Variants in SRD5A2 observed in about 807,000 individuals in gnomAD.
SRD5A2 encodes the protein steroid 5 alpha-reductase 2, also known as 3-oxo-5-alpha-steroid 4-dehydrogenase 2.
A neutral mutation model predicts 27.4 loss-of-function variants in SRD5A2; 30 were observed. The ratio of observed to expected loss-of-function variants is 1.10; its 90% CI spans 0.82 to 1.49. The LOEUF (loss-of-function observed/expected upper bound fraction) is 1.49. Ranked by LOEUF, SRD5A2 falls within the 40% of genes most tolerant of loss-of-function variation. The pLI is 0.00. For missense variants in SRD5A2, 348 were observed against 323.4 expected, an observed-to-expected ratio of 1.08 and a Z score of -0.58; for synonymous variants, 141 against 133.6, an observed-to-expected ratio of 1.06 and a Z score of -0.38.
At chr2:31,595,382 G>C in the SRD5A2 span, among the ~76,000 whole-genome samples, 1 of 152,062 alleles carries the variant, frequency 6.6e-6, no homozygotes, top group African/African-American at 2.4e-5. Flanking sequence ...TATCACAATG[G>C]ACACCACAGA....
the SRD5A2 span, among the ~76,000 whole-genome samples, chr2:31,616,400 T>G: frequency 6.6e-6 from 1 of 152,096 alleles, no homozygotes; most frequent in African/African-American, 2.4e-5. Flanking sequence ...TGCCAGCCCA[T>G]GAAAGCAGCC....
the SRD5A2 span, among the ~76,000 whole-genome samples, chr2:31,614,848 G>T: frequency 6.6e-6 from 1 of 152,058 alleles, no homozygotes; most frequent in South Asian, 2.1e-4. Flanking sequence ...ATCTTTAATT[G>T]TAGCTCCCAT....
chr2:31,654,788 T>C, the SRD5A2 span, among the ~76,000 whole-genome samples: 1 of 152,154 alleles, frequency 6.6e-6, no homozygotes, highest in South Asian at 2.1e-4. Flanking sequence ...CCACCATATC[T>C]GCTCTCAACA....
chr2:31,553,659 A>G (rs557824209), intron 1 of SRD5A2, among the ~76,000 whole-genome samples: 1 of 152,330 alleles, frequency 6.6e-6, no homozygotes, highest in African/African-American at 2.4e-5. Context: ...TGCCAATTCA[A>G]CTGAGGTAGG....
At chr2:31,560,597 C>G (rs577698255) in intron 1 of SRD5A2, among the ~76,000 whole-genome samples, 1 of 152,314 alleles carries the variant, frequency 6.6e-6, no homozygotes, top group African/African-American at 2.4e-5. Flanking sequence ...ACTCTCTCTT[C>G]TTTTTCCACC....
At chr2:31,575,150 G>C (rs1302852008) in intron 1 of SRD5A2, among the ~76,000 whole-genome samples, 1 of 152,056 alleles carries the variant, frequency 6.6e-6, no homozygotes, top group Non-Finnish European at 1.5e-5. Flanking sequence ...TAAGAGGAGA[G>C]ATTTGTCTAT....
upstream of SRD5A2, among the ~76,000 whole-genome samples, chr2:31,583,639 G>GAA (rs1491349335): frequency 1.1e-4 from 2 of 17,506 alleles, no homozygotes; most frequent in African/African-American, 3.9e-4. Context: ...CAAAAAAAAA[G>GAA]CAAAAAAAAA....
At position 31,533,640 on chromosome 2, in the gene SRD5A2, G is replaced by C; in HGVS notation, c.408C>G (p.Tyr136Ter). 6.4e-7 allele frequency: 1 copy of C among 1,554,604 alleles called. No homozygotes were observed. The change falls in exon 2 of 5, where the codon TAC becomes TAG. Residue 136 changes from tyrosine (Y) to a stop codon, truncating the protein, a stop_gained. Coordinates refer to ENST00000622030, the MANE Select transcript of SRD5A2 (RefSeq NM_000348.4). LOFTEE classifies it high-confidence loss of function. ...GTATGTCTGTGTACCACCCATCAGG[G>C]TATTCAGCACAGTAAATCAGATAGT... ...QGYYLIYCAE[Y>*]PDGWYTDIRF...
intron 4 of SRD5A2, 32 bp downstream of exon 4, chr2:31,529,275 G>T (rs28383065): frequency 1.2e-6 from 2 of 1,612,788 alleles, no homozygotes; most frequent in Non-Finnish European, 1.7e-6. Context: ...AGAAAGCTAC[G>T]TGAATGCTGC....
At chr2:31,640,852 G>T in the SRD5A2 span, among the ~76,000 whole-genome samples, 1 of 151,342 alleles carries the variant, frequency 6.6e-6, no homozygotes, top group South Asian at 2.1e-4. Flanking sequence ...TGCTTCCTGT[G>T]GTTTAAGGCA....
chr2:31,619,636 G>T, the SRD5A2 span, among the ~76,000 whole-genome samples: 3 of 151,954 alleles, frequency 2.0e-5, no homozygotes, highest in Non-Finnish European at 4.4e-5. Flanking sequence ...TAGCCATTCA[G>T]ACTGGTGTGA....
At chr2:31,626,078 T>C in the SRD5A2 span, among the ~76,000 whole-genome samples, 1 of 152,210 alleles carries the variant, frequency 6.6e-6, no homozygotes, top group African/African-American at 2.4e-5. Context: ...GTTCTTCACA[T>C]CCCTTGTAAG....
intron 1 of SRD5A2, among the ~76,000 whole-genome samples, chr2:31,544,362 A>C (rs1270578619): frequency 6.6e-6 from 1 of 152,022 alleles, no homozygotes; most frequent in Non-Finnish European, 1.5e-5. Context: ...AACAACTCTG[A>C]CCACAACAGG....
the SRD5A2 span, among the ~76,000 whole-genome samples, chr2:31,619,031 T>C: frequency 5.7e-4 from 87 of 152,228 alleles, no homozygotes; most frequent in African/African-American, 2.0e-3. Flanking sequence ...CCAAAGCATA[T>C]ATACAAATGG....
intron 1 of SRD5A2, chr2:31,563,612 C>G (rs1486354820): frequency 2.0e-5 from 3 of 152,064 alleles, no homozygotes; most frequent in Non-Finnish European, 4.4e-5. Context: ...ATCAAGACAT[C>G]TAGAATTTTC....
chr2:31,646,366 C>T, the SRD5A2 span, among the ~76,000 whole-genome samples: 2 of 152,142 alleles, frequency 1.3e-5, no homozygotes, highest in Non-Finnish European at 2.9e-5. Context: ...CTTCTTTTCT[C>T]CAGTTGCTTC....
At chr2:31,651,823 G>A in the SRD5A2 span, 4 of 152,538 alleles carry the variant, frequency 2.6e-5, no homozygotes, top group African/African-American at 9.6e-5. Context: ...GAACATCGTG[G>A]TACAAACAGT....
At chr2:31,582,221 T>A (rs1667095988), upstream of SRD5A2, among the ~76,000 whole-genome samples, 1 of 152,140 alleles carries the variant, frequency 6.6e-6, no homozygotes, top group African/African-American at 2.4e-5. Flanking sequence ...CCCCTTCAAC[T>A]CACGCCTCCC....
At chr2:31,578,180 G>A (rs1666998195) in intron 1 of SRD5A2, among the ~76,000 whole-genome samples, 1 of 152,032 alleles carries the variant, frequency 6.6e-6, no homozygotes, top group Non-Finnish European at 1.5e-5. Flanking sequence ...ATGTAATTAT[G>A]AGTATTTTCT....
Sources: allele counts gnomAD v4.1 joint callset (sites outside exome capture counted in the v4.1 genomes callset), GRCh38; gene constraint gnomAD v4.1.1; transcripts MANE v1.5; gene names NCBI Gene and HGNC (gene_info 2026-07-23, HGNC 2026-07-21).